The following ACAN variants were observed in gnomAD, a reference collection of about 807,000 sequenced individuals.
ACAN encodes aggrecan core protein.
In ACAN, 47 loss-of-function variants were observed where a neutral mutation model predicts 169.1. That is an observed-to-expected ratio of 0.28 (90% CI 0.22 to 0.35). The LOEUF is 0.35. Ranked by LOEUF, ACAN falls within the 10% of genes least tolerant of loss-of-function variation. The pLI is 1.00. For synonymous variants in ACAN, 1,115 were observed against 1,112.2 expected, an observed-to-expected ratio of 1.00 and a Z score of -0.05; for missense variants, 2,716 against 2,759.9, an observed-to-expected ratio of 0.98 and a Z score of 0.36.
chr15:88,809,484 C>T (rs1177573174), intron 1 of ACAN, among the ~76,000 whole-genome samples: 2 of 152,196 alleles, frequency 1.3e-5, no homozygotes, highest in Admixed American at 6.5e-5. Context: ...GATGCAGGCA[C>T]CTTTGGTGTC....
intron 1 of ACAN, among the ~76,000 whole-genome samples, chr15:88,835,062 G>T (rs935165553): frequency 2.0e-5 from 3 of 152,294 alleles, no homozygotes; most frequent in East Asian, 1.9e-4. Flanking sequence ...TCCACATGAA[G>T]TCATTGATCT....
Position 88,845,624 on chromosome 15 carries a change from G to C in ACAN, c.1171G>C (p.Gly391Arg). 1.2e-6 allele frequency: 2 copies of C among 1,614,070 alleles called. No homozygotes were observed. The highest frequency in any genetic ancestry group is 2.2e-5 in the South Asian group (2 of 91,088). The part of the protein sequence containing the change: ...ELPLPRNITE[G>R]EARGSVILTV... ...GCCACTGCCTCGAAACATCACTGAGGGTGAAGCCCGAGGCAGCGTGATCCT... is the reference window on the plus strand; with the variant it reads ...GCCACTGCCTCGAAACATCACTGAGCGTGAAGCCCGAGGCAGCGTGATCCT... The change falls in exon 7 of 19, where the codon GGT becomes CGT. Residue 391 changes from glycine (G) to arginine (R), a missense_variant. By Grantham distance (125) the Gly-to-Arg change is moderately radical. Transcript: ENST00000560601.
chr15:88,838,534 T>C lies in ACAN; in HGVS notation c.71-129T>C, dbSNP rs1483511583. On this transcript the variant is annotated intron_variant, in intron 2 of 18. Transcript: ENST00000560601. This position sits in a 1 kb window ranked among gnomAD's most constrained non-coding sequence, Gnocchi z 5.1. The stretch of plus-strand genomic sequence containing the variant: ...ACATGACACGGGAGCATCCCCATCA[T>C]AGAGACAGACACACTCATCGGATTT... 5 of 1,168,306 alleles carry C rather than the reference T, an allele frequency of 4.3e-6. No individual in the cohort carries two copies. The highest frequency in any genetic ancestry group is 2.4e-5 in the East Asian group (1 of 42,272). 72.4% of individuals were successfully genotyped at this position (1,168,306 alleles called of 1,614,324 possible). A position where few individuals can be genotyped will look rare whatever the true frequency, so the allele number is the denominator to read the frequency against.
At chr15:88,804,164 A>G (rs1895616472) in intron 1 of ACAN, among the ~76,000 whole-genome samples, 1 of 152,206 alleles carries the variant, frequency 6.6e-6, no homozygotes, top group African/African-American at 2.4e-5. Context: ...TTCAGAGTCA[A>G]GGGAATGTGG....
rs188080905 is a variant in ACAN, at chr15:88,842,742, A to G, written c.758-613A>G. Among the ~76,000 whole-genome samples, 15 of 152,336 alleles carry G rather than the reference A, an allele frequency of 9.8e-5. No individual in the cohort carries two copies. The East Asian group carries it at 2.9e-3, about 29-fold the overall frequency. The stretch of plus-strand genomic sequence containing the variant: ...AATAGAACTGCCAGTTAGAGCTGCC[A>G]CTGAGCAGGGGTAGCCAGAACCACC... On this transcript the variant is annotated intron_variant, in intron 5 of 18. Transcript: ENST00000560601.
chr15:88,850,168 T>G (rs1046633645), intron 10 of ACAN: 3 of 380,158 alleles, frequency 7.9e-6, no homozygotes, highest in Non-Finnish European at 1.4e-5. Flanking sequence ...CATATCTATA[T>G]GTAAAGCTGT....
At chr15:88,829,378 G>T (rs1896303920) in intron 1 of ACAN, among the ~76,000 whole-genome samples, 1 of 152,162 alleles carries the variant, frequency 6.6e-6, no homozygotes, top group Admixed American at 6.5e-5. Context: ...AGCTGGGACT[G>T]AAATCAGCTT....
At chr15:88,845,273 C>A (rs1476534573) in intron 6 of ACAN, among the ~76,000 whole-genome samples, 2 of 152,206 alleles carry the variant, frequency 1.3e-5, no homozygotes, top group African/African-American at 4.8e-5. Context: ...CAATATCTTG[C>A]CCTCTGATAG....
rs574172190 is a variant in ACAN at position 88,838,137 on chromosome 15, G to A, written c.71-526G>A. ...CCCCTGACTCCCAAACAGCAGAAGAGAGTGACTTGTCCCGGTGGCAAAATC... is the reference window on the plus strand; with the variant it reads ...CCCCTGACTCCCAAACAGCAGAAGAAAGTGACTTGTCCCGGTGGCAAAATC... On this transcript the variant is annotated intron_variant, in intron 2 of 18. Transcript: ENST00000560601. The surrounding 1 kb of genome is among the most constrained non-coding windows in gnomAD (Gnocchi z 5.1). Among the ~76,000 whole-genome samples the A allele has an allele frequency of 1.3e-5, 2 of 152,108 alleles. No individual in the cohort carries two copies. The highest frequency in any genetic ancestry group is 2.9e-5 in the Non-Finnish European group (2 of 68,034).
chr15:88,871,432 C>T lies in ACAN; in HGVS notation c.7111C>T (p.Arg2371Cys), dbSNP rs768563192. The T allele has an allele frequency of 2.5e-6, 4 of 1,613,820 alleles. No individual in the cohort carries two copies. Among genetic ancestry groups the T allele is most frequent in the South Asian group, 2.2e-5 (2 of 91,080 alleles). ...GAACAAGTACCAGGGCCACTGTTAC[C>T]GCCACTTCCCGGACCGCGAGACCTG... ...GWNKYQGHCY[R>C]HFPDRETWVD... Residue 2371 changes from arginine (R) to cysteine (C), a missense_variant, in exon 15 of 19, where the codon CGC becomes TGC. Transcript: ENST00000560601. This position sits in a 1 kb window ranked among gnomAD's most constrained non-coding sequence, Gnocchi z 7.8.
intron 13 of ACAN, among the ~76,000 whole-genome samples, chr15:88,863,309 C>T (rs559287804): frequency 6.6e-6 from 1 of 152,330 alleles, no homozygotes; most frequent in South Asian, 2.1e-4. Flanking sequence ...TTACTGACAT[C>T]ACCCAAGGGA....
chr15:88,865,081 C>A (rs559158319), intron 13 of ACAN, among the ~76,000 whole-genome samples: 6 of 152,322 alleles, frequency 3.9e-5, no homozygotes, highest in African/African-American at 1.4e-4. Context: ...TCTCTACTCC[C>A]CTGGCCTTTA....
chr15:88,851,831 T>A lies in ACAN; in HGVS notation c.2064T>A (p.Gly688=). ...TTCCTTCTCCAGGAGAAGAAGAGGG[T>A]GGCACACCCACATCACCCTCTGGTG... ...SAVPSPGEEE[G]GTPTSPSGVE... Residue 688 remains glycine (G), a synonymous_variant, in exon 11 of 19, where the codon GGT becomes GGA. Transcript: ENST00000560601. The surrounding 1 kb of genome is among the most constrained non-coding windows in gnomAD (Gnocchi z 4.3). 1.2e-6 allele frequency: 2 copies of A among 1,608,244 alleles called. No individual in the cohort carries two copies. The highest frequency in any genetic ancestry group is 8.5e-7 in the Non-Finnish European group (1 of 1,177,410).
At chr15:88,864,399 C>G (rs1049535576) in intron 13 of ACAN, among the ~76,000 whole-genome samples, 6 of 151,966 alleles carry the variant, frequency 3.9e-5, no homozygotes, top group Admixed American at 2.0e-4. Flanking sequence ...TCCCAAGTAG[C>G]TGGGATTACA....
intron 13 of ACAN, among the ~76,000 whole-genome samples, chr15:88,860,790 C>G (rs2141617015): frequency 6.6e-6 from 1 of 152,258 alleles, no homozygotes; most frequent in South Asian, 2.1e-4. Context: ...GGTCACACCT[C>G]TCCGCTCCTG....
At position 88,859,206 on chromosome 15, in the gene ACAN, G is replaced by A. The variant is rs768109783; in HGVS notation, c.6621G>A (p.Ser2207=). The A allele has an allele frequency of 1.5e-5, 25 of 1,613,726 alleles. No homozygotes were observed. The highest frequency in any genetic ancestry group is 9.9e-5 in the South Asian group (9 of 91,086). The change falls in exon 12 of 19, where the codon TCG becomes TCA. Residue 2207 remains serine, a synonymous_variant. Transcript: ENST00000560601. The part of the protein sequence containing the change: ...EISGDLSGHT[S]QLGVVISTSI... ...GCGGAGACCTGTCTGGTCACACCTC[G>A]CAGCTGGGCGTTGTCATCAGCACCA...
At chr15:88,831,239 C>T (rs1896354848) in intron 1 of ACAN, among the ~76,000 whole-genome samples, 2 of 152,346 alleles carry the variant, frequency 1.3e-5, no homozygotes, top group South Asian at 4.1e-4. Flanking sequence ...GAAGGGGTGA[C>T]CCTGATTGTT....
At chr15:88,841,275 C>T (rs1429383614) in intron 4 of ACAN, among the ~76,000 whole-genome samples, 2 of 152,240 alleles carry the variant, frequency 1.3e-5, no homozygotes, top group Non-Finnish European at 2.9e-5. Flanking sequence ...GCACCTACCT[C>T]ACTGGGTTGA....
rs777892820 is a variant in ACAN at position 88,849,661 on chromosome 15, G to T, written c.1956G>T (p.Thr652=). ...ACGGDKPGVR[T]VYLYPNQTGL... ...GTGGGGACAAGCCAGGCGTGAGAAC[G>T]GTCTACCTCTACCCTAACCAGACGG... The change falls in exon 10 of 19, where the codon ACG becomes ACT. Residue 652 remains threonine, a synonymous_variant. Coordinates refer to ENST00000560601, the MANE Select transcript of ACAN (RefSeq NM_001369268.1). The surrounding 1 kb of genome is among the most constrained non-coding windows in gnomAD (Gnocchi z 5.1). The T allele has an allele frequency of 1.9e-6, 3 of 1,613,698 alleles. No individual in the cohort carries two copies. The highest frequency in any genetic ancestry group is 2.5e-6 in the Non-Finnish European group (3 of 1,179,848).
Sources: gnomAD v4.1 joint callset for allele counts (sites outside exome capture counted in the v4.1 genomes callset) on GRCh38, gnomAD v4.1.1 for gene constraint, Gnocchi (gnomAD v3.1) non-coding constraint, MANE v1.5 for transcripts, NCBI Gene and HGNC (gene_info 2026-07-23, HGNC 2026-07-21) for gene names.